The following TREM1 variants were observed in gnomAD, a reference collection of about 807,000 sequenced individuals.
The protein encoded by TREM1 is triggering receptor expressed on myeloid cells 1.
A neutral mutation model predicts 22.4 loss-of-function variants in TREM1; 16 were observed. That is an observed-to-expected ratio of 0.71 (90% CI 0.48 to 1.08). TREM1 has a LOEUF of 1.08. Ranked by LOEUF, TREM1 falls within the 50% of genes least tolerant of loss-of-function variation. TREM1 has a pLI of 0.00. For missense variants in TREM1, 283 were observed against 282.9 expected (o/e 1.00, Z 0.00); for synonymous variants, 110 against 111.6 (o/e 0.99, Z 0.09).
chr6:41,286,377 C>G (rs1032567124), intron 1 of TREM1, among the ~76,000 whole-genome samples: 5 of 152,194 alleles, frequency 3.3e-5, no homozygotes, highest in African/African-American at 1.2e-4. Flanking sequence ...TTGCATGTCT[C>G]TAACAACATC....
chr6:41,282,411 G>A lies in TREM1; in HGVS notation c.390C>T (p.Arg130=), dbSNP rs376787348. 27 of 1,611,534 alleles carry A rather than the reference G, an allele frequency of 1.7e-5. No individual in the cohort carries two copies. Among genetic ancestry groups the A allele is most frequent in the Non-Finnish European group, 2.3e-5 (27 of 1,178,492 alleles). The change falls in exon 2 of 4, where the codon CGC becomes CGT. Residue 130 remains arginine, a synonymous_variant. Transcript: ENST00000244709. ...GCCACTCACCCTTGGTCACCACCAA[G>A]CGGATGCGATCGAACAGCATGTGAG... is the stretch of plus-strand genomic sequence containing the variant. The part of the protein sequence containing the change: ...KEPHMLFDRI[R]LVVTKGFSGT...
downstream of TREM1, among the ~76,000 whole-genome samples, chr6:41,271,636 C>T (rs1381778440): frequency 6.6e-6 from 1 of 152,156 alleles, no homozygotes; most frequent in Non-Finnish European, 1.5e-5. Context: ...CAGCACAGTG[C>T]TGGGGGATTG....
chr6:41,278,873 A>C (rs1291506999), intron 3 of TREM1, among the ~76,000 whole-genome samples: 2 of 152,162 alleles, frequency 1.3e-5, no homozygotes, highest in African/African-American at 4.8e-5. Flanking sequence ...ATCATGGAGC[A>C]ACACCAAGGT....
At chr6:41,269,795 T>C (rs1402036222), downstream of TREM1, 2 of 152,194 alleles carry the variant, frequency 1.3e-5, no homozygotes, top group Admixed American at 1.3e-4. Context: ...CAGCCCCTCA[T>C]GAATGGGCAG....
intron 1 of TREM1, 30 bp from the exon 2 acceptor site, chr6:41,282,781 T>C: frequency 2.6e-6 from 4 of 1,562,576 alleles, no homozygotes; most frequent in Non-Finnish European, 3.5e-6. Flanking sequence ...ATGGGTTCTG[T>C]GAGGAATTAT....
chr6:41,281,986 G>T (rs961184513), intron 2 of TREM1: 10 of 209,406 alleles, frequency 4.8e-5, no homozygotes, highest in African/African-American at 6.9e-5. Flanking sequence ...CCATTCAGTT[G>T]GAGTGTGCAT....
chr6:41,280,511 G>C lies in TREM1; in HGVS notation c.599+450C>G, dbSNP rs555827477. The C allele has an allele frequency of 7.7e-6, 8 of 1,044,622 alleles. No individual in the cohort carries two copies. In the South Asian group the frequency reaches 3.1e-4, roughly 40 times the overall value. The allele number at this position is 1,044,622 out of a possible 1,614,324, so 64.7% of individuals were successfully genotyped here. A position where few individuals can be genotyped will look rare whatever the true frequency, so the allele number is the denominator to read the frequency against. On this transcript the variant is annotated intron_variant, in intron 3 of 3. Transcript: ENST00000244709. ...GTTATTAGGTGGACAATGTCTTCCA[G>C]CTTTGGGTTTCTACCATGCCTACTG...
At chr6:41,283,859 G>C (rs576662902) in intron 1 of TREM1, among the ~76,000 whole-genome samples, 1 of 152,280 alleles carries the variant, frequency 6.6e-6, no homozygotes, top group East Asian at 1.9e-4. Context: ...AATGCTTCTT[G>C]CTGGGATTCA....
At chr6:41,278,095 T>C (rs1767742828) in intron 3 of TREM1, among the ~76,000 whole-genome samples, 1 of 139,938 alleles carries the variant, frequency 7.1e-6, no homozygotes, top group South Asian at 2.3e-4. Context: ...CTAATTTTTT[T>C]ATTATTTTTT....
At position 41,282,639 on chromosome 6, in the gene TREM1, A is replaced by C. The variant is rs1767982880; in HGVS notation, c.162T>G (p.Ala54=). ...TLEKFASSQK[A]WQIIRDGEMP... ...TCTCTCCGTCCCTTATTATCTGCCA[A>C]GCTTTCTGGCTGCTGGCAAACTTCT... Residue 54 remains alanine (A), a synonymous_variant, in exon 2 of 4, where the codon GCT becomes GCG. Coordinates refer to ENST00000244709, the MANE Select transcript of TREM1 (RefSeq NM_018643.5). 3.1e-6 allele frequency: 5 copies of C among 1,614,190 alleles called. No individual in the cohort carries two copies. Among genetic ancestry groups the C allele is most frequent in the Middle Eastern group, 1.6e-4 (1 of 6,062 alleles).
At chr6:41,282,293 G>A (rs1767952115) in intron 2 of TREM1, 102 bp downstream of exon 2, 2 of 910,444 alleles carry the variant, frequency 2.2e-6, no homozygotes, top group South Asian at 3.2e-5. Flanking sequence ...CTGGGAGGAA[G>A]ACAGACTGCT....
chr6:41,286,482 G>T, intron 1 of TREM1, 125 bp downstream of exon 1: 1 of 894,116 alleles, frequency 1.1e-6, no homozygotes, highest in South Asian at 1.5e-5. Flanking sequence ...AGAGCAGCAC[G>T]GTCTGCCATA....
chr6:41,279,579 C>T (rs909834485), intron 3 of TREM1: 2 of 985,282 alleles, frequency 2.0e-6, no homozygotes, highest in Non-Finnish European at 2.4e-6. Context: ...TTAATGAGCA[C>T]TTTGTTCCCC....
downstream of TREM1, chr6:41,269,940 T>C (rs1767433010): frequency 6.6e-6 from 1 of 152,230 alleles, no homozygotes; most frequent in Non-Finnish European, 1.5e-5. Context: ...AGGTGGGTCA[T>C]GCACTAATAC....
intron 3 of TREM1, among the ~76,000 whole-genome samples, chr6:41,268,496 T>TG (rs1305255862): frequency 6.6e-6 from 1 of 152,244 alleles, no homozygotes; most frequent in Non-Finnish European, 1.5e-5. Context: ...AGCCATCCAC[T>TG]GGTGCCTGAA....
chr6:41,268,009 G>A (rs373247477), exon 4 of TREM1: 12 of 398,612 alleles, frequency 3.0e-5, no homozygotes, highest in Admixed American at 1.3e-4. Context: ...TGACTTATCC[G>A]AAAGTGCCCA....
intron 1 of TREM1, among the ~76,000 whole-genome samples, chr6:41,283,267 G>A (rs1007369096): frequency 6.6e-6 from 1 of 152,198 alleles, no homozygotes; most frequent in Non-Finnish European, 1.5e-5. Flanking sequence ...GGCATGATGG[G>A]CATGGATATC....
At chr6:41,270,320 CACAG>C (rs1767442372), downstream of TREM1, 1 of 152,304 alleles carries the variant, frequency 6.6e-6, no homozygotes, top group African/African-American at 2.4e-5. Context: ...GACACAGCGC[CACAG>C]ACAAAGAGTA....
intron 3 of TREM1, chr6:41,280,000 C>T: frequency 3.1e-6 from 3 of 979,772 alleles, no homozygotes; most frequent in Admixed American, 6.2e-5. Context: ...TATGGCTTTC[C>T]CAATTGATAG....
Sources: gnomAD v4.1 joint callset for allele counts (sites outside exome capture counted in the v4.1 genomes callset) on GRCh38, gnomAD v4.1.1 for gene constraint, MANE v1.5 for transcripts, NCBI Gene and HGNC (gene_info 2026-07-23, HGNC 2026-07-21) for gene names.